The following MTMR8 variants were observed in gnomAD, a reference collection of about 807,000 sequenced individuals.
MTMR8 encodes the protein myotubularin related protein 8.
MTMR8 carries 65 observed loss-of-function variants against 39.3 expected under a neutral mutation model. The ratio of observed to expected loss-of-function variants is 1.65; its 90% CI spans 1.35 to 2.03. MTMR8 has a LOEUF of 2.03. MTMR8 is among the 30% of genes most tolerant of loss of function. The pLI, the probability that MTMR8 is intolerant of heterozygous loss-of-function variation, is 0.00. For synonymous variants in MTMR8, 245 were observed against 185.2 expected, an observed-to-expected ratio of 1.32 and a Z score of -2.62; for missense variants, 777 against 538.9, an observed-to-expected ratio of 1.44 and a Z score of -4.37.
chrX:64,313,937 TC>T (rs1456172040), intron 12 of MTMR8, among the ~76,000 whole-genome samples: 1 of 112,279 alleles, frequency 8.9e-6, no homozygotes, highest in Non-Finnish European at 1.9e-5. Flanking sequence ...GAAGTCACTG[TC>T]CTTTGGATGT....
At position 64,354,819 on chromosome X, in the gene MTMR8, G is replaced by A. The variant is rs757435300; in HGVS notation, c.426C>T (p.Pro142=). The change falls in exon 4 of 14, where the codon CCC becomes CCT. Residue 142 remains proline, a synonymous_variant. Transcript: ENST00000374852. ...PISDFGRMGI[P]NRNWTITDAN... is the part of the protein sequence containing the mutation. ...CATCTGTTATGGTCCAGTTTCTGTT[G>A]GGTATTCCCATACGCCCAAAGTCTG... 1.1e-5 allele frequency: 13 copies of A among 1,203,341 alleles called. No individual in the cohort carries two copies. The Admixed American group carries it at 2.9e-4, about 27-fold the overall frequency.
intron 12 of MTMR8, among the ~76,000 whole-genome samples, chrX:64,276,016 C>T (rs1294266166): frequency 8.9e-6 from 1 of 111,839 alleles, no homozygotes; most frequent in Non-Finnish European, 1.9e-5. Context: ...CTGAAGAATT[C>T]TCCCAAATAT....
intron 10 of MTMR8, among the ~76,000 whole-genome samples, chrX:64,334,570 T>TAAAAA (rs537003359): frequency 4.3e-5 from 3 of 69,326 alleles, no homozygotes; most frequent in Non-Finnish European, 8.8e-5. Flanking sequence ...TCTTTCAGCT[T>TAAAAA]AAAAAAAAAA....
intron 12 of MTMR8, among the ~76,000 whole-genome samples, chrX:64,323,953 T>C (rs923630420): frequency 8.9e-5 from 10 of 112,013 alleles, no homozygotes; most frequent in African/African-American, 3.2e-4. Context: ...AATGTCTACA[T>C]TGAAAAAGAA....
chrX:64,367,377 C>T (rs1011631722), intron 1 of MTMR8, among the ~76,000 whole-genome samples: 1 of 111,776 alleles, frequency 8.9e-6, no homozygotes, highest in Non-Finnish European at 1.9e-5. Flanking sequence ...ACTGGCAAAC[C>T]GTATTCAGCA....
intron 1 of MTMR8, among the ~76,000 whole-genome samples, chrX:64,387,479 A>G (rs1347729797): frequency 9.0e-6 from 1 of 110,966 alleles, no homozygotes; most frequent in Non-Finnish European, 1.9e-5. Context: ...CCTCTATAGT[A>G]TGTCTCCCAA....
intron 12 of MTMR8, among the ~76,000 whole-genome samples, chrX:64,310,593 T>G (rs1922265163): frequency 9.0e-6 from 1 of 111,365 alleles, no homozygotes; most frequent in African/African-American, 3.3e-5. Flanking sequence ...GTTGGTTTGC[T>G]GCACCCATCA....
At chrX:64,282,961 GC>G (rs1921012160) in intron 12 of MTMR8, among the ~76,000 whole-genome samples, 2 of 111,848 alleles carry the variant, frequency 1.8e-5, no homozygotes, top group South Asian at 7.4e-4. Context: ...TCTCACTAGG[GC>G]TTGTTGGACA....
chrX:64,283,629 C>A (rs933279957), intron 12 of MTMR8, among the ~76,000 whole-genome samples: 17 of 112,161 alleles, frequency 1.5e-4, no homozygotes, highest in African/African-American at 5.5e-4. Flanking sequence ...GATGAAACCT[C>A]CAGAGGAACG....
At chrX:64,346,489 A>C (rs2147228365) in intron 6 of MTMR8, among the ~76,000 whole-genome samples, 1 of 110,680 alleles carries the variant, frequency 9.0e-6, no homozygotes, top group South Asian at 3.9e-4. Context: ...TGGAAGCATA[A>C]GCAATAGTCA....
chrX:64,299,264 A>T (rs1368308835), intron 12 of MTMR8, among the ~76,000 whole-genome samples: 14 of 70,751 alleles, frequency 2.0e-4, no homozygotes, highest in Non-Finnish European at 3.6e-4. Context: ...AGCTCCTGTT[A>T]TTGGTCTATT....
intron 12 of MTMR8, among the ~76,000 whole-genome samples, chrX:64,314,621 G>A (rs186926666): frequency 1.7e-4 from 19 of 113,049 alleles, no homozygotes; most frequent in Non-Finnish European, 2.6e-4. Context: ...AGGGTAGAGA[G>A]TTGTAGTGAA....
At chrX:64,320,726 A>C (rs766353149) in intron 12 of MTMR8, among the ~76,000 whole-genome samples, 3 of 111,127 alleles carry the variant, frequency 2.7e-5, no homozygotes, top group African/African-American at 9.8e-5. Flanking sequence ...GTAGGAGGTC[A>C]GATACATGCT....
At chrX:64,302,347 C>A (rs1436706099) in intron 12 of MTMR8, among the ~76,000 whole-genome samples, 1 of 112,513 alleles carries the variant, frequency 8.9e-6, no homozygotes, top group African/African-American at 3.2e-5. Flanking sequence ...GTCTGTCACC[C>A]CTTTCTTTGA....
intron 12 of MTMR8, among the ~76,000 whole-genome samples, chrX:64,272,955 G>A (rs1451609337): frequency 9.0e-6 from 1 of 111,436 alleles, no homozygotes; most frequent in Non-Finnish European, 1.9e-5. Flanking sequence ...CTTCAAAAAC[G>A]AAAGAGAGAT....
intron 1 of MTMR8, among the ~76,000 whole-genome samples, chrX:64,394,927 C>T (rs906647580): frequency 1.8e-5 from 2 of 112,194 alleles, no homozygotes; most frequent in Non-Finnish European, 1.9e-5. Flanking sequence ...GGTGAAGAAA[C>T]GCTCGATAAA....
At chrX:64,285,159 C>T (rs1921112992) in intron 12 of MTMR8, among the ~76,000 whole-genome samples, 1 of 111,291 alleles carries the variant, frequency 9.0e-6, no homozygotes, top group South Asian at 3.8e-4. Flanking sequence ...CAAAAAAAGG[C>T]AGGGTTTGCA....
intron 12 of MTMR8, among the ~76,000 whole-genome samples, chrX:64,319,407 A>G (rs975208332): frequency 7.1e-5 from 8 of 112,280 alleles, no homozygotes; most frequent in Non-Finnish European, 9.4e-5. Flanking sequence ...CTTTAGTTTA[A>G]TTAGATCCCA....
rs149515339 is a variant in MTMR8 at position 64,286,597 on chromosome X, C to T, written c.1482-15524G>A. 8.2e-4 allele frequency among the ~76,000 whole-genome samples: 92 copies of T among 111,753 alleles called. 1 individual carries two copies. Among genetic ancestry groups the T allele is most frequent in the African/African-American group, 2.3e-3 (70 of 30,808 alleles). On this transcript the variant is annotated intron_variant, in intron 12 of 13. Transcript: ENST00000374852. The stretch of plus-strand genomic sequence containing the variant: ...TGGCAAACTGAATCCAGCAGCACAC[C>T]AAAAAGCTTATCCACCATGATCAAG...
Sources: gnomAD v4.1 joint callset for allele counts (sites outside exome capture counted in the v4.1 genomes callset) on GRCh38, gnomAD v4.1.1 for gene constraint, MANE v1.5 for transcripts, NCBI Gene and HGNC (gene_info 2026-07-23, HGNC 2026-07-21) for gene names.